UNC45B: variants seen among roughly 807,000 people sequenced by gnomAD.
The protein encoded by UNC45B is unc-45 myosin chaperone B.
A neutral mutation model predicts 98.7 loss-of-function variants in UNC45B; 78 were observed. That is an observed-to-expected ratio of 0.79 (90% CI 0.66 to 0.95). The LOEUF is 0.95. Among genes scored for constraint, UNC45B ranks in the 40% least tolerant of loss-of-function variants. The pLI is 0.00. For missense variants in UNC45B, 1,225 were observed against 1,184.9 expected (o/e 1.03, Z -0.50); for synonymous variants, 462 against 480.4 (o/e 0.96, Z 0.50).
chr17:35,150,372 C>T, intron 4 of UNC45B, 149 bp downstream of exon 4: 2 of 838,306 alleles, frequency 2.4e-6, no homozygotes, highest in Non-Finnish European at 3.5e-6. Flanking sequence ...GGGCAGGCTG[C>T]ACAGAACAGC....
At chr17:35,160,741 A>C (rs2092097307) in intron 8 of UNC45B, among the ~76,000 whole-genome samples, 1 of 152,160 alleles carries the variant, frequency 6.6e-6, no homozygotes. Context: ...CCGGGCCAAG[A>C]TTTTATTTTC....
chr17:35,182,678 C>T (rs1364986006), intron 18 of UNC45B, among the ~76,000 whole-genome samples: 1 of 152,108 alleles, frequency 6.6e-6, no homozygotes, highest in African/African-American at 2.4e-5. Context: ...TGACCTCTGC[C>T]ATGCTCTCAC....
In UNC45B at chr17:35,159,690, C is replaced by G. The variant is rs1054074818; in HGVS notation, c.979+145C>G. The G allele has an allele frequency of 7.6e-6, 7 of 920,974 alleles. No individual in the cohort carries two copies. In the African/African-American group the frequency reaches 1.0e-4, roughly 13 times the overall value. The allele number at this position is 920,974 out of a possible 1,614,324, so 57.1% of individuals were successfully genotyped here. On this transcript the variant is annotated intron_variant, in intron 8 of 19. Transcript: ENST00000394570. ...AGAAAAGGCATTGGCCCATCAGGAT[C>G]CACCAGTGGGCCTGTGAAGGTGCAG...
At chr17:35,152,521 A>C (rs1314882321) in intron 4 of UNC45B, among the ~76,000 whole-genome samples, 1 of 152,228 alleles carries the variant, frequency 6.6e-6, no homozygotes, top group Non-Finnish European at 1.5e-5. Flanking sequence ...AAGCTGCTTC[A>C]GGATTCTGAG....
chr17:35,148,155 C>T, intron 1 of UNC45B, 109 bp from the exon 2 acceptor site: 5 of 1,249,878 alleles, frequency 4.0e-6, no homozygotes, highest in Admixed American at 2.3e-5. Flanking sequence ...GAATCCCCAC[C>T]ATCCTCTCTG....
Position 35,186,559 on chromosome 17 carries a change from G to GA in UNC45B, c.*1dup. On this transcript the variant is annotated 3_prime_UTR_variant, in exon 20 of 20. Transcript: ENST00000394570. The stretch of plus-strand genomic sequence containing the variant: ...ATGGTTTCATTAAACCAGTGTCTTA[G>GA]ACAGCGACCCTCAGGGATGCTGGGA... 4 of 1,614,112 alleles carry GA rather than the reference G, an allele frequency of 2.5e-6. No individual in the cohort carries two copies. The highest frequency in any genetic ancestry group is 3.4e-6 in the Non-Finnish European group (4 of 1,179,976).
intron 16 of UNC45B, 144 bp from the exon 17 acceptor site, chr17:35,177,351 C>T (rs1011064994): frequency 4.2e-6 from 3 of 717,380 alleles, no homozygotes; most frequent in Non-Finnish European, 6.9e-6. Context: ...GAAAATAATC[C>T]TGCCTGTCAG....
chr17:35,183,477 G>A lies in UNC45B; in HGVS notation c.2424G>A (p.Val808=), dbSNP rs764559058. 7.7e-5 allele frequency: 123 copies of A among 1,604,768 alleles called. No individual in the cohort carries two copies. Among genetic ancestry groups the A allele is most frequent in the Admixed American group, 3.6e-4 (21 of 58,986 alleles). Residue 808 remains valine, a synonymous_variant, in exon 19 of 20, where the codon GTG becomes GTA. Coordinates refer to ENST00000394570, the MANE Select transcript of UNC45B (RefSeq NM_001267052.2). ...GGAATGACCGGCTGAAGCTGGTGGT[G>A]CTGCTCTGCGGGGAGGATGATGATA... ...ADGNDRLKLV[V]LLCGEDDDKV... is the part of the protein sequence containing the mutation.
rs540648764 is a variant in UNC45B, at chr17:35,148,532, C to T, written c.168+101C>T. Reference sequence around the variant, plus strand: ...GATAGAAATTGCCCTTCATCCCAGCCGACTCTCCTGGATGCCTGGGGTTGG... The same window carrying T: ...GATAGAAATTGCCCTTCATCCCAGCTGACTCTCCTGGATGCCTGGGGTTGG... On this transcript the variant is annotated intron_variant, in intron 2 of 19. Coordinates refer to ENST00000394570, the MANE Select transcript of UNC45B (RefSeq NM_001267052.2). 90 of 1,373,566 alleles carry T rather than the reference C, an allele frequency of 6.6e-5. No homozygotes were observed. The Admixed American group carries it at 1.6e-3, about 24-fold the overall frequency. 85.1% of individuals were successfully genotyped at this position (1,373,566 alleles called of 1,614,324 possible).
intron 15 of UNC45B, among the ~76,000 whole-genome samples, 196 bp downstream of exon 15, chr17:35,176,230 T>C (rs1389631977): frequency 1.3e-5 from 2 of 152,162 alleles, no homozygotes; most frequent in Non-Finnish European, 2.9e-5. Flanking sequence ...ATCCCATCTA[T>C]CCTCCTTGCT....
chr17:35,176,134 C>T (rs556275599), intron 15 of UNC45B, 100 bp downstream of exon 15: 223 of 1,182,336 alleles, frequency 1.9e-4, no homozygotes, highest in Middle Eastern at 1.7e-3. Context: ...TCCTGGAATA[C>T]GGCCACCAGT....
At chr17:35,166,228 A>ACTGCACT in intron 9 of UNC45B, among the ~76,000 whole-genome samples, 1 of 151,992 alleles carries the variant, frequency 6.6e-6, no homozygotes, top group African/African-American at 2.4e-5. Context: ...TGAATGCACT[A>ACTGCACT]CTGCACTCCA....
At chr17:35,180,482 TC>T in intron 17 of UNC45B, 76 bp from the exon 18 acceptor site, 1 of 1,121,800 alleles carries the variant, frequency 8.9e-7, no homozygotes, top group Non-Finnish European at 1.3e-6. Context: ...GGAAGAATGG[TC>T]CCTGGGTGGC....
chr17:35,177,193 TC>T (rs2092240556), intron 16 of UNC45B, 63 bp downstream of exon 16: 1 of 1,447,652 alleles, frequency 6.9e-7, no homozygotes, highest in Admixed American at 1.8e-5. Flanking sequence ...TAGAGGCCTT[TC>T]CCCTTGTCAT....
At chr17:35,175,858 C>T in intron 14 of UNC45B, 110 bp from the exon 15 acceptor site, 1 of 987,036 alleles carries the variant, frequency 1.0e-6, no homozygotes, top group Admixed American at 2.0e-5. Context: ...TCCATAGTCT[C>T]CCTTTTCATC....
Position 35,150,233 on chromosome 17 carries a change from GC to G in UNC45B, c.381+12del, listed in dbSNP as rs1320859898. 3 of 1,601,862 alleles carry G rather than the reference GC, an allele frequency of 1.9e-6. No individual in the cohort carries two copies. Among genetic ancestry groups the G allele is most frequent in the Non-Finnish European group, 2.6e-6 (3 of 1,173,970 alleles). On this transcript the variant is annotated intron_variant, in intron 4 of 19. Coordinates refer to ENST00000394570, the MANE Select transcript of UNC45B (RefSeq NM_001267052.2). The stretch of plus-strand genomic sequence containing the variant: ...CAGCATTCAGGAGAAGGTGAGCTGG[GC>G]CTCTTCCCACAACCCTTGGCTGCCC...
chr17:35,186,383 A>G lies in UNC45B; in HGVS notation c.2614A>G (p.Asn872Asp), dbSNP rs1275293908. 7.4e-6 allele frequency: 12 copies of G among 1,614,156 alleles called. No individual in the cohort carries two copies. Among genetic ancestry groups the G allele is most frequent in the Non-Finnish European group, 1.0e-5 (12 of 1,180,030 alleles). Residue 872 changes from asparagine (N) to aspartate (D), a missense_variant, in exon 20 of 20, where the codon AAC (asparagine) becomes GAC (aspartate). Physicochemically the swap from Asn to Asp is conservative, Grantham distance 23. Transcript: ENST00000394570. ...VQHRGLVIAY[N>D]LLAADAELAK... Reference sequence around the variant, plus strand: ...ACACCGGGGCCTGGTCATTGCCTACAACCTACTGGCAGCCGATGCTGAGCT... The same window carrying G: ...ACACCGGGGCCTGGTCATTGCCTACGACCTACTGGCAGCCGATGCTGAGCT...
At chr17:35,171,199 G>T in intron 12 of UNC45B, 123 bp from the exon 13 acceptor site, 1 of 1,253,208 alleles carries the variant, frequency 8.0e-7, no homozygotes, top group Non-Finnish European at 1.1e-6. Context: ...CCTCAGAATG[G>T]GCCCTACCAG....
chr17:35,168,063 G>C lies in UNC45B; in HGVS notation c.1154G>C (p.Gly385Ala). ...ACCACCCTTGTCCTTTGTTTTAGGGGCAAGTTTGACCCCCAGGACATGGAC... is the reference window on the plus strand; with the variant it reads ...ACCACCCTTGTCCTTTGTTTTAGGGCCAAGTTTGACCCCCAGGACATGGAC... Reference protein sequence around the residue: ...FRKICEEYITGKFDPQDMDKN... With the variant: ...FRKICEEYITAKFDPQDMDKN... Residue 385 changes from glycine to alanine, a missense_variant and splice_region_variant, in exon 10 of 20, where the codon GGC becomes GCC. Transcript: ENST00000394570. 2 of 1,507,838 alleles carry C rather than the reference G, an allele frequency of 1.3e-6. No homozygotes were observed. The highest frequency in any genetic ancestry group is 1.8e-6 in the Non-Finnish European group (2 of 1,124,512). The allele number at this position is 1,507,838 out of a possible 1,614,324, so 93.4% of individuals were successfully genotyped here.
Sources: allele counts gnomAD v4.1 joint callset (sites outside exome capture counted in the v4.1 genomes callset), GRCh38; gene constraint gnomAD v4.1.1; transcripts MANE v1.5; gene names NCBI Gene and HGNC (gene_info 2026-07-23, HGNC 2026-07-21).